SPATA13: variants seen among roughly 807,000 people sequenced by gnomAD.
The protein encoded by SPATA13 is spermatogenesis-associated protein 13.
A neutral mutation model predicts 104.0 loss-of-function variants in SPATA13; 50 were observed. The observed-to-expected ratio is 0.48, with a 90% CI of 0.38 to 0.61. SPATA13 has a LOEUF of 0.61. Ranked by LOEUF, SPATA13 falls within the 20% of genes least tolerant of loss-of-function variation. SPATA13 has a pLI of 0.00. For missense variants in SPATA13, 1,524 were observed against 1,690.6 expected (o/e 0.90, Z 1.73); for synonymous variants, 606 against 667.5 (o/e 0.91, Z 1.42).
intron 3 of SPATA13, among the ~76,000 whole-genome samples, chr13:24,037,698 G>A (rs368726451): frequency 2.7e-4 from 41 of 151,938 alleles, no homozygotes; most frequent in African/African-American, 9.4e-4. Flanking sequence ...ATGAGCCACC[G>A]TGCCCAGCCG....
At chr13:24,270,269 C>T (rs141153539) in intron 4 of SPATA13, among the ~76,000 whole-genome samples, 1 of 152,144 alleles carries the variant, frequency 6.6e-6, no homozygotes, top group African/African-American at 2.4e-5. Context: ...TACATGTATA[C>T]CTTTACATGT....
chr13:24,279,284 C>T (rs1168632458), intron 4 of SPATA13, among the ~76,000 whole-genome samples: 8 of 152,102 alleles, frequency 5.3e-5, no homozygotes, highest in African/African-American at 7.2e-5. Flanking sequence ...GGAGTGCCTG[C>T]GGTCTTTGCA....
upstream of SPATA13, among the ~76,000 whole-genome samples, chr13:24,155,766 G>A (rs184511814): frequency 9.2e-5 from 14 of 152,198 alleles, no homozygotes; most frequent in East Asian, 1.9e-3. Context: ...TTATGCAACC[G>A]TCACCATCAT....
chr13:24,068,322 G>A (rs1879038669), intron 3 of SPATA13, among the ~76,000 whole-genome samples: 1 of 152,082 alleles, frequency 6.6e-6, no homozygotes, highest in Non-Finnish European at 1.5e-5. Context: ...ACATGATCTT[G>A]TTCTTTTTTG....
chr13:24,029,330 T>C (rs1308252873), intron 3 of SPATA13, among the ~76,000 whole-genome samples: 1 of 152,062 alleles, frequency 6.6e-6, no homozygotes, highest in African/African-American at 2.4e-5. Context: ...CAGTACAAAT[T>C]TGGATCTATT....
At chr13:24,017,607 C>T (rs1218420287) in intron 2 of SPATA13, 1 of 930,486 alleles carries the variant, frequency 1.1e-6, no homozygotes, top group Non-Finnish European at 1.3e-6. Flanking sequence ...CCGATTTAAC[C>T]TCAGCTAACC....
At chr13:24,158,869 C>T (rs754762625), upstream of SPATA13, among the ~76,000 whole-genome samples, 3 of 152,088 alleles carry the variant, frequency 2.0e-5, no homozygotes, top group African/African-American at 4.8e-5. Flanking sequence ...CTCAAGGATG[C>T]GGGGGTCTTC....
At chr13:24,076,853 G>C (rs1593314665) in intron 3 of SPATA13, among the ~76,000 whole-genome samples, 2 of 151,994 alleles carry the variant, frequency 1.3e-5, no homozygotes, top group East Asian at 3.9e-4. Context: ...TTACATGCAG[G>C]GTGGACAGGA....
At chr13:24,180,864 A>G (rs1393049328) in intron 1 of SPATA13, among the ~76,000 whole-genome samples, 2 of 152,132 alleles carry the variant, frequency 1.3e-5, no homozygotes, top group Non-Finnish European at 2.9e-5. Context: ...TGATAAATGC[A>G]TTGCTAGGCA....
At chr13:24,124,320 A>G (rs1055152135) in intron 3 of SPATA13, among the ~76,000 whole-genome samples, 2 of 152,212 alleles carry the variant, frequency 1.3e-5, no homozygotes, top group African/African-American at 4.8e-5. Context: ...TGAGGAAGGT[A>G]ACAGCCACAC....
Position 24,223,682 on chromosome 13 carries a change from G to T in SPATA13, c.753G>T (p.Arg251Ser). ...AAAACAACAGCATGGGCTACAGGAG[G>T]AGCAAGAGCACGGACAATCTTGCCT... is the stretch of plus-strand genomic sequence containing the variant. ...DPENNSMGYR[R>S]SKSTDNLAFL... Residue 251 changes from arginine (R) to serine (S), a missense_variant, in exon 2 of 13, where the codon AGG becomes AGT. Coordinates refer to ENST00000382108, the MANE Select transcript of SPATA13 (RefSeq NM_001166271.3). The T allele has an allele frequency of 6.4e-7, 1 of 1,552,242 alleles. No individual in the cohort carries two copies. Among genetic ancestry groups the T allele is most frequent in the South Asian group, 1.2e-5 (1 of 84,066 alleles).
chr13:24,143,643 C>T (rs1438067918), intron 3 of SPATA13, among the ~76,000 whole-genome samples: 2 of 152,102 alleles, frequency 1.3e-5, no homozygotes, highest in Non-Finnish European at 2.9e-5. Flanking sequence ...GATGAGTGAC[C>T]TGAGCTCTGG....
At chr13:24,243,154 T>C (rs1872941888) in intron 2 of SPATA13, among the ~76,000 whole-genome samples, 1 of 152,252 alleles carries the variant, frequency 6.6e-6, no homozygotes, top group South Asian at 2.1e-4. Context: ...TTTTCTGATG[T>C]CTTGAAATAT....
rs145333967 is a variant in SPATA13, at chr13:24,147,919, T to C, written c.-111-74900T>C. ...CTCAAGGTTCATCCATGTTGTAGCA[T>C]GTGTCTGAATCTCCTTCCTTTTAAG... On this transcript the variant is annotated intron_variant, in intron 3 of 14. Coordinates refer to the SPATA13 transcript ENST00000424834. Among the ~76,000 whole-genome samples the C allele has an allele frequency of 5.1e-4, 77 of 152,354 alleles. 1 individual carries two copies. In the East Asian group the frequency reaches 0.013, roughly 26 times the overall value.
rs956871905 is a variant in SPATA13, at chr13:24,086,889, A to T, written c.-112+69188A>T. 3.9e-5 allele frequency among the ~76,000 whole-genome samples: 6 copies of T among 152,172 alleles called. No individual in the cohort carries two copies. In the East Asian group the frequency reaches 9.6e-4, roughly 24 times the overall value. ...GGTCAGAGTGGAGCAGCGAGGTCAGAGGAGCAGCCCAGGAGGGAACCAGGA... is the reference window on the plus strand; with the variant it reads ...GGTCAGAGTGGAGCAGCGAGGTCAGTGGAGCAGCCCAGGAGGGAACCAGGA... On this transcript the variant is annotated intron_variant, in intron 3 of 14. Transcript: ENST00000424834.
intron 3 of SPATA13, among the ~76,000 whole-genome samples, chr13:24,117,377 T>C (rs367783923): frequency 3.3e-5 from 5 of 152,308 alleles, no homozygotes; most frequent in East Asian, 1.9e-4. Context: ...GTTATCCTTG[T>C]CTTTGCTAAC....
intron 9 of SPATA13, 96 bp from the exon 10 acceptor site, chr13:24,294,643 C>T: frequency 7.4e-7 from 1 of 1,347,478 alleles, no homozygotes; most frequent in Admixed American, 2.0e-5. Context: ...TTGTCTAGAG[C>T]ATTCGTATAC....
intron 1 of SPATA13, among the ~76,000 whole-genome samples, chr13:24,198,724 GTCCTGTGAGGGCTA>G (rs1195054444): frequency 6.6e-6 from 1 of 152,102 alleles, no homozygotes; most frequent in Non-Finnish European, 1.5e-5. Flanking sequence ...AGTCTGGGTC[GTCCTGTGAGGGCTA>G]TCCCACGTGC....
intron 3 of SPATA13, among the ~76,000 whole-genome samples, chr13:24,027,562 A>G (rs1050073621): frequency 2.6e-5 from 4 of 151,824 alleles, no homozygotes; most frequent in African/African-American, 7.3e-5. Context: ...TTAGCTCTTT[A>G]TTATTTCCTT....
Sources: allele counts gnomAD v4.1 joint callset (sites outside exome capture counted in the v4.1 genomes callset), GRCh38; gene constraint gnomAD v4.1.1; transcripts MANE v1.5; gene names NCBI Gene and HGNC (gene_info 2026-07-23, HGNC 2026-07-21).